The following AGBL1 variants were observed in gnomAD, a reference collection of about 807,000 sequenced individuals.
The protein encoded by AGBL1 is cytosolic carboxypeptidase 4.
Under a neutral mutation model 118.9 loss-of-function variants are expected in AGBL1, and 130 were observed. The observed-to-expected ratio is 1.09, with a 90% CI of 0.95 to 1.26. AGBL1 has a LOEUF of 1.26. AGBL1 is among the 50% of genes most tolerant of loss of function. AGBL1 has a pLI of 0.00. For missense variants in AGBL1, 1,584 were observed against 1,298.1 expected, an observed-to-expected ratio of 1.22 and a Z score of -3.38; for synonymous variants, 555 against 478.9, an observed-to-expected ratio of 1.16 and a Z score of -2.08.
chr15:86,764,640 A>G (rs79190134), intron 22 of AGBL1, among the ~76,000 whole-genome samples: 13,610 of 152,154 alleles, frequency 0.089, 804 homozygotes, highest in Non-Finnish European at 0.12. Flanking sequence ...AAGAATATTA[A>G]TAATAGTGTT....
chr15:86,673,718 G>C (rs2085786396), intron 21 of AGBL1, among the ~76,000 whole-genome samples: 1 of 152,152 alleles, frequency 6.6e-6, no homozygotes, highest in Non-Finnish European at 1.5e-5. Flanking sequence ...ATACTATAGA[G>C]TACATGTCAT....
At chr15:86,928,489 A>G (rs1026700738) in intron 23 of AGBL1, among the ~76,000 whole-genome samples, 2 of 152,210 alleles carry the variant, frequency 1.3e-5, no homozygotes, top group Non-Finnish European at 2.9e-5. Context: ...GTGAGCTAAT[A>G]TGGACTGGAG....
chr15:86,345,987 C>CTT (rs796734722), intron 17 of AGBL1, among the ~76,000 whole-genome samples: 48 of 145,576 alleles, frequency 3.3e-4, no homozygotes, highest in African/African-American at 1.2e-3. Flanking sequence ...ACAGCTCTTC[C>CTT]TTTTTTTTTT....
At chr15:86,464,723 T>C (rs1231430746) in intron 18 of AGBL1, among the ~76,000 whole-genome samples, 1 of 152,192 alleles carries the variant, frequency 6.6e-6, no homozygotes, top group African/African-American at 2.4e-5. Context: ...GTTGGTTTGG[T>C]TTATTTGATG....
At chr15:86,085,545 CT>C (rs1452438823) in intron 1 of AGBL1, among the ~76,000 whole-genome samples, 1 of 152,150 alleles carries the variant, frequency 6.6e-6, no homozygotes, top group Non-Finnish European at 1.5e-5. Context: ...GACATGACTG[CT>C]GATGTAATGT....
chr15:86,806,257 G>C (rs1281057422), intron 22 of AGBL1, among the ~76,000 whole-genome samples: 2 of 152,084 alleles, frequency 1.3e-5, no homozygotes, highest in East Asian at 1.9e-4. Context: ...ATGGAAACTG[G>C]AATGATCTCC....
chr15:86,279,587 C>A, intron 15 of AGBL1, 52 bp from the exon 16 acceptor site: 4 of 1,566,014 alleles, frequency 2.6e-6, no homozygotes, highest in South Asian at 1.1e-5. Context: ...TGACCCTGCA[C>A]CCCCCTCCCA....
intron 1 of AGBL1, among the ~76,000 whole-genome samples, chr15:86,121,123 C>A (rs1400511086): frequency 6.6e-6 from 1 of 152,166 alleles, no homozygotes; most frequent in Non-Finnish European, 1.5e-5. Flanking sequence ...GTCTCGAACT[C>A]CTGACCTCAG....
At chr15:86,591,294 A>AC (rs1040992448) in intron 21 of AGBL1, among the ~76,000 whole-genome samples, 1 of 152,302 alleles carries the variant, frequency 6.6e-6, no homozygotes, top group African/African-American at 2.4e-5. Flanking sequence ...GTTTTTCCAC[A>AC]CACACCAACC....
intron 24 of AGBL1, among the ~76,000 whole-genome samples, chr15:87,010,412 T>C (rs986751250): frequency 2.5e-4 from 38 of 152,300 alleles, no homozygotes; most frequent in African/African-American, 8.9e-4. Flanking sequence ...GCCTCAGGTA[T>C]GTCTTTATCA....
intron 5 of AGBL1, among the ~76,000 whole-genome samples, chr15:86,201,730 G>C (rs898331917): frequency 6.6e-6 from 1 of 152,186 alleles, no homozygotes; most frequent in Non-Finnish European, 1.5e-5. Flanking sequence ...CCAATTCTCA[G>C]GACCCCTTGG....
intron 19 of AGBL1, among the ~76,000 whole-genome samples, chr15:86,530,697 A>G (rs552574928): frequency 0.12 from 17,707 of 150,380 alleles, 3,470 homozygotes; most frequent in African/African-American, 0.41. Flanking sequence ...AAAATTGACC[A>G]CATAGTTGGA....
chr15:86,898,534 A>C (rs56378903), intron 22 of AGBL1, among the ~76,000 whole-genome samples: 9,061 of 152,246 alleles, frequency 0.06, 314 homozygotes, highest in African/African-American at 0.085. Context: ...GAAACAAAAT[A>C]AAAAATGGAC....
chr15:86,468,752 A>G (rs148593039), intron 18 of AGBL1, among the ~76,000 whole-genome samples: 62 of 152,324 alleles, frequency 4.1e-4, no homozygotes, highest in African/African-American at 1.3e-3. Flanking sequence ...TCTTTCGCTA[A>G]TAATTCAGCA....
chr15:86,148,982 TAAAG>T (rs2077069655), intron 3 of AGBL1, among the ~76,000 whole-genome samples: 1 of 152,126 alleles, frequency 6.6e-6, no homozygotes, highest in Admixed American at 6.5e-5. Context: ...TCAACATTCT[TAAAG>T]AAAAGAATTT....
chr15:86,128,691 T>C (rs1004395158), intron 1 of AGBL1, among the ~76,000 whole-genome samples: 1 of 152,232 alleles, frequency 6.6e-6, no homozygotes, highest in Non-Finnish European at 1.5e-5. Flanking sequence ...AACTTACCTA[T>C]GTTCCCTTTC....
intron 13 of AGBL1, among the ~76,000 whole-genome samples, chr15:86,268,844 A>G (rs781496122): frequency 1.3e-5 from 2 of 152,164 alleles, no homozygotes; most frequent in Non-Finnish European, 2.9e-5. Context: ...CGTTTCATAA[A>G]TCTCACACAA....
chr15:86,372,197 G>C (rs2080980993), intron 17 of AGBL1, among the ~76,000 whole-genome samples: 2 of 152,200 alleles, frequency 1.3e-5, no homozygotes. Context: ...GCTTTTCCAG[G>C]ATTTGGAATG....
intron 17 of AGBL1, among the ~76,000 whole-genome samples, chr15:86,393,733 G>A (rs996410730): frequency 5.3e-5 from 8 of 152,086 alleles, no homozygotes; most frequent in African/African-American, 1.2e-4. Context: ...GTCCTATGGT[G>A]CAGAACACCT....
Sources: allele counts gnomAD v4.1 joint callset (sites outside exome capture counted in the v4.1 genomes callset), GRCh38; gene constraint gnomAD v4.1.1; transcripts MANE v1.5; gene names NCBI Gene and HGNC (gene_info 2026-07-23, HGNC 2026-07-21).